FBN1: variants seen among roughly 807,000 people sequenced by gnomAD.
FBN1 encodes fibrillin-1.
Under a neutral mutation model 365.1 loss-of-function variants are expected in FBN1, and 29 were observed. The observed-to-expected ratio is 0.08, with a 90% CI of 0.06 to 0.11. FBN1 has a LOEUF of 0.11. Among genes scored for constraint, FBN1 ranks in the 10% least tolerant of loss-of-function variants. The pLI is 1.00. For synonymous variants in FBN1, 1,210 were observed against 1,270.5 expected (o/e 0.95, Z 1.01); for missense variants, 2,476 against 3,703.2 (o/e 0.67, Z 8.60).
At position 48,644,892 on chromosome 15, in the gene FBN1, G is replaced by C; in HGVS notation, c.-123C>G. On this transcript the variant is annotated 5_prime_UTR_variant, in exon 2 of 66. Transcript: ENST00000316623. The stretch of plus-strand genomic sequence containing the variant: ...CCCGCTATCCCGCCGCCCGTCCCCC[G>C]GGCCGGGCTCCTCCCGCCTTCTCCA... 1 of 1,009,480 alleles carries C rather than the reference G, an allele frequency of 9.9e-7. No individual in the cohort carries two copies. Among genetic ancestry groups the C allele is most frequent in the Non-Finnish European group, 1.3e-6 (1 of 784,042 alleles). 62.5% of individuals were successfully genotyped at this position (1,009,480 alleles called of 1,614,324 possible).
chr15:48,525,767 A>G (rs184419149), intron 9 of FBN1, among the ~76,000 whole-genome samples: 1 of 152,328 alleles, frequency 6.6e-6, no homozygotes, highest in African/African-American at 2.4e-5. Flanking sequence ...AGATTATTGA[A>G]AAAATTCAGG....
At chr15:48,568,011 A>AAG (rs1460546257) in intron 6 of FBN1, among the ~76,000 whole-genome samples, 1 of 104,810 alleles carries the variant, frequency 9.5e-6, no homozygotes, top group Non-Finnish European at 1.8e-5. Context: ...GAAAGAAAGA[A>AAG]AGAAAGAAAG....
At chr15:48,490,309 C>T (rs2043547658) in intron 24 of FBN1, among the ~76,000 whole-genome samples, 1 of 152,140 alleles carries the variant, frequency 6.6e-6, no homozygotes. Flanking sequence ...TGAAAAGTTC[C>T]CTTTCAACAT....
At chr15:48,642,119 C>T (rs371502713) in intron 2 of FBN1, 20 of 152,342 alleles carry the variant, frequency 1.3e-4, no homozygotes, top group African/African-American at 4.6e-4. Flanking sequence ...GGCGCAGTGG[C>T]TCAAGCCTGT....
intron 5 of FBN1, among the ~76,000 whole-genome samples, chr15:48,597,230 G>C (rs1465531960): frequency 6.6e-6 from 1 of 152,124 alleles, no homozygotes. Context: ...CCATGAAGTT[G>C]AGCCACTCAT....
intron 57 of FBN1, 80 bp from the exon 58 acceptor site, chr15:48,427,853 A>G: frequency 2.3e-6 from 3 of 1,289,222 alleles, no homozygotes; most frequent in Non-Finnish European, 3.3e-6. Context: ...GGTCAGATAT[A>G]AAAACCAAAA....
At chr15:48,438,791 G>A (rs1023531121) in intron 50 of FBN1, among the ~76,000 whole-genome samples, 67 of 152,038 alleles carry the variant, frequency 4.4e-4, no homozygotes, top group African/African-American at 1.5e-3. Context: ...TTTTGGAAAC[G>A]GGCTTTTCCA....
intron 44 of FBN1, among the ~76,000 whole-genome samples, chr15:48,455,411 T>C (rs1187479493): frequency 1.3e-5 from 2 of 152,118 alleles, no homozygotes; most frequent in African/African-American, 2.4e-5. Flanking sequence ...CTGGGTACAG[T>C]CATCATCAAA....
At chr15:48,412,837 G>A in intron 64 of FBN1, 94 bp from the exon 65 acceptor site, 1 of 1,429,558 alleles carries the variant, frequency 7.0e-7, no homozygotes. Flanking sequence ...CCTTGCAGTT[G>A]TGAGATACAG....
chr15:48,602,711 G>A (rs11858693), intron 4 of FBN1, among the ~76,000 whole-genome samples: 20,326 of 152,070 alleles, frequency 0.13, 1,418 homozygotes, highest in Non-Finnish European at 0.15. Flanking sequence ...TTATGATTCC[G>A]TTAAAACATC....
At chr15:48,509,569 T>C (rs948881115) in intron 14 of FBN1, among the ~76,000 whole-genome samples, 12 of 148,398 alleles carry the variant, frequency 8.1e-5, no homozygotes, top group African/African-American at 2.9e-4. Context: ...ATATACATAA[T>C]ATATATACAC....
At chr15:48,611,589 T>A (rs2044656606) in intron 3 of FBN1, among the ~76,000 whole-genome samples, 2 of 152,200 alleles carry the variant, frequency 1.3e-5, no homozygotes, top group Admixed American at 6.5e-5. Context: ...TTAATTTTTA[T>A]CCTGTTCTGA....
intron 24 of FBN1, among the ~76,000 whole-genome samples, chr15:48,491,240 T>C (rs978439423): frequency 4.6e-5 from 7 of 152,340 alleles, no homozygotes; most frequent in South Asian, 2.1e-4. Flanking sequence ...TTCCATTCCA[T>C]ATTATTTATT....
intron 6 of FBN1, among the ~76,000 whole-genome samples, chr15:48,542,020 A>G (rs2044061802): frequency 6.6e-6 from 1 of 152,112 alleles, no homozygotes; most frequent in African/African-American, 2.4e-5. Flanking sequence ...CTGCATCTCC[A>G]TGTTCCCATT....
rs765673140 is a variant in FBN1 at position 48,463,078 on chromosome 15, T to G, written c.5224+4A>C. The stretch of plus-strand genomic sequence containing the variant: ...TTTTTGATAATGGAGAAACTAAAAC[T>G]CACCTGTACTTGGGATGGGACACTG... On this transcript the variant is annotated splice_donor_region_variant and intron_variant, in intron 42 of 65. Transcript: ENST00000316623. 1.2e-5 allele frequency: 20 copies of G among 1,613,730 alleles called. No individual in the cohort carries two copies. Among genetic ancestry groups the G allele is most frequent in the Non-Finnish European group, 1.6e-5 (19 of 1,179,662 alleles).
chr15:48,575,382 G>A (rs928729696), intron 6 of FBN1, among the ~76,000 whole-genome samples: 1 of 152,158 alleles, frequency 6.6e-6, no homozygotes, highest in Admixed American at 6.5e-5. Flanking sequence ...GGGTACAAGC[G>A]CAGGTTTCTT....
chr15:48,522,390 G>T (rs974441244), intron 9 of FBN1, among the ~76,000 whole-genome samples: 5 of 151,954 alleles, frequency 3.3e-5, no homozygotes, highest in African/African-American at 1.2e-4. Context: ...TAATGTACTT[G>T]AATCATCCTG....
intron 32 of FBN1, among the ~76,000 whole-genome samples, chr15:48,478,822 C>T (rs12591575): frequency 0.053 from 8,121 of 152,104 alleles, 552 homozygotes; most frequent in East Asian, 0.32. Flanking sequence ...GGATTCTGAA[C>T]ATTGCTAAAG....
chr15:48,434,299 G>A (rs2043046941), intron 54 of FBN1, among the ~76,000 whole-genome samples: 1 of 152,174 alleles, frequency 6.6e-6, no homozygotes, highest in African/African-American at 2.4e-5. Flanking sequence ...GAGTAAGAAA[G>A]AAGGTATTAA....
Sources: gnomAD v4.1 joint callset for allele counts (sites outside exome capture counted in the v4.1 genomes callset) on GRCh38, gnomAD v4.1.1 for gene constraint, MANE v1.5 for transcripts, NCBI Gene and HGNC (gene_info 2026-07-23, HGNC 2026-07-21) for gene names.